Variants in ENTPD5 observed in about 807,000 individuals in gnomAD.
ENTPD5 encodes ectonucleoside triphosphate diphosphohydrolase 5 (inactive), also known as nucleoside diphosphate phosphatase ENTPD5.
Under a neutral mutation model 60.2 loss-of-function variants are expected in ENTPD5, and 49 were observed. That is an observed-to-expected ratio of 0.81 (90% CI 0.65 to 1.03). The LOEUF is 1.03. Among genes scored for constraint, ENTPD5 ranks in the 50% least tolerant of loss-of-function variants. ENTPD5 has a pLI of 0.00. For synonymous variants in ENTPD5, 187 were observed against 185.4 expected, an observed-to-expected ratio of 1.01 and a Z score of -0.07; for missense variants, 480 against 507.6, an observed-to-expected ratio of 0.95 and a Z score of 0.52.
In ENTPD5 at chr14:73,964,447, A is replaced by G. The variant is rs2140439625; in HGVS notation, c.*2481T>C. 6.6e-6 allele frequency: 1 copy of G among 152,326 alleles called. No individual in the cohort carries two copies. Among genetic ancestry groups the G allele is most frequent in the South Asian group, 2.1e-4 (1 of 4,830 alleles). 9.4% of individuals were successfully genotyped at this position (152,326 alleles called of 1,614,324 possible). On this transcript the variant is annotated 3_prime_UTR_variant, in exon 16 of 16. Transcript: ENST00000334696. ...AAGGTCTAATCAAGGTTAACAAAATAGGTAAGTTCGTGGAGTTAGAATGCA... is the reference window on the plus strand; with the variant it reads ...AAGGTCTAATCAAGGTTAACAAAATGGGTAAGTTCGTGGAGTTAGAATGCA...
intron 2 of ENTPD5, among the ~76,000 whole-genome samples, 198 bp from the exon 3 acceptor site, chr14:74,011,348 TCTCA>T (rs1276598715): frequency 3.9e-5 from 6 of 152,248 alleles, no homozygotes; most frequent in African/African-American, 1.2e-4. Flanking sequence ...TACACTTTCT[TCTCA>T]CTCAAACTAC....
chr14:74,018,586 G>C (rs1371429932), intron 1 of ENTPD5: 1 of 152,260 alleles, frequency 6.6e-6, no homozygotes, highest in Non-Finnish European at 1.5e-5. Flanking sequence ...AAGTTGAAGA[G>C]CTTCCAACTT....
intron 3 of ENTPD5, among the ~76,000 whole-genome samples, chr14:74,002,398 C>G (rs970024900): frequency 6.6e-6 from 1 of 152,052 alleles, no homozygotes; most frequent in Admixed American, 6.6e-5. Context: ...GAAAGTCTTA[C>G]AGCAGTCTGA....
At chr14:73,984,321 T>TG (rs1180233216) in intron 5 of ENTPD5, among the ~76,000 whole-genome samples, 1 of 152,196 alleles carries the variant, frequency 6.6e-6, no homozygotes, top group Non-Finnish European at 1.5e-5. Flanking sequence ...TGTTGGGACT[T>TG]GGTTTCCTCA....
At position 73,987,881 on chromosome 14, in the gene ENTPD5, C is replaced by G; in HGVS notation, c.217+5G>C. On this transcript the variant is annotated splice_donor_5th_base_variant and intron_variant, in intron 4 of 15. Coordinates refer to ENST00000334696, the MANE Select transcript of ENTPD5 (RefSeq NM_001249.5). Reference sequence around the variant, plus strand: ...GACTCTACTAAGGGTCCCAGTTGCACTTACCTGGCATTTTCTGCACAAAGG... The same window carrying G: ...GACTCTACTAAGGGTCCCAGTTGCAGTTACCTGGCATTTTCTGCACAAAGG... 6.2e-7 allele frequency: 1 copy of G among 1,614,030 alleles called. No individual in the cohort carries two copies. Among genetic ancestry groups the G allele is most frequent in the Non-Finnish European group, 8.5e-7 (1 of 1,179,988 alleles).
rs1183944649 is a variant in ENTPD5, at chr14:73,993,923, A to AC, written c.-70-5752_-70-5751insG. On this transcript the variant is annotated intron_variant, in intron 3 of 15. Transcript: ENST00000334696. ...AGGTATCTGTTTTCACGAAAAAACA[A>AC]ACAAAAAAAAACAAACAAAAAACCC... Among the ~76,000 whole-genome samples the AC allele has an allele frequency of 8.7e-5, 7 of 80,362 alleles. No homozygotes were observed. The East Asian group carries it at 3.6e-3, about 42-fold the overall frequency. The allele number at this position is 80,362 out of a possible 152,430, so 52.7% of individuals were successfully genotyped here.
At position 73,964,063 on chromosome 14, in the gene ENTPD5, T is replaced by C. The variant is rs2056873933; in HGVS notation, c.*2865A>G. ...AAGCTGTGTGACTCCTGGCGGAGACTGCAGGGACAAGGTCATCTTTCACAA... is the reference window on the plus strand; with the variant it reads ...AAGCTGTGTGACTCCTGGCGGAGACCGCAGGGACAAGGTCATCTTTCACAA... On this transcript the variant is annotated 3_prime_UTR_variant, in exon 16 of 16. Coordinates refer to ENST00000334696, the MANE Select transcript of ENTPD5 (RefSeq NM_001249.5). The C allele has an allele frequency of 6.6e-6, 1 of 152,204 alleles. No homozygotes were observed. The highest frequency in any genetic ancestry group is 1.5e-5 in the Non-Finnish European group (1 of 68,038). 9.4% of individuals were successfully genotyped at this position (152,204 alleles called of 1,614,324 possible). A position where few individuals can be genotyped will look rare whatever the true frequency, so the allele number is the denominator to read the frequency against.
chr14:73,987,682 G>C lies in ENTPD5; in HGVS notation c.217+204C>G, dbSNP rs1400261899. ...AGCAAGACCTTGTCTCAAAAAAAAAGTTAAAAAATAAAAACAAAACAAATA... is the reference window on the plus strand; with the variant it reads ...AGCAAGACCTTGTCTCAAAAAAAAACTTAAAAAATAAAAACAAAACAAATA... On this transcript the variant is annotated intron_variant, in intron 4 of 15. Coordinates refer to ENST00000334696, the MANE Select transcript of ENTPD5 (RefSeq NM_001249.5). Among the ~76,000 whole-genome samples, 4 of 151,986 alleles carry C rather than the reference G, an allele frequency of 2.6e-5. 1 individual carries two copies. The highest frequency in any genetic ancestry group is 9.6e-5 in the African/African-American group (4 of 41,494).
chr14:73,986,178 T>C (rs1416921339), intron 5 of ENTPD5: 4 of 152,198 alleles, frequency 2.6e-5, no homozygotes, highest in African/African-American at 9.6e-5. Context: ...GTAATGATTA[T>C]TCTTGTGACA....
In ENTPD5 at chr14:73,987,905, G is replaced by C. The variant is rs2057969567; in HGVS notation, c.198C>G (p.Thr66=). 5 of 1,613,976 alleles carry C rather than the reference G, an allele frequency of 3.1e-6. No individual in the cohort carries two copies. The highest frequency in any genetic ancestry group is 1.3e-5 in the African/African-American group (1 of 74,910). Residue 66 remains threonine (T), a synonymous_variant, in exon 4 of 16, where the codon ACC becomes ACG. Coordinates refer to ENST00000334696, the MANE Select transcript of ENTPD5 (RefSeq NM_001249.5). ...GSTGTRIHVY[T]FVQKMPGQLP... ...ACTTACCTGGCATTTTCTGCACAAA[G>C]GTGTAAACATGAATTCGAGTTCCAG...
At chr14:74,001,617 G>A (rs1482824361) in intron 3 of ENTPD5, among the ~76,000 whole-genome samples, 3 of 133,964 alleles carry the variant, frequency 2.2e-5, no homozygotes, top group South Asian at 2.5e-4. Flanking sequence ...GCAGTGAGCC[G>A]AGATCATGCC....
rs200203331 is a variant in ENTPD5 at position 74,008,510 on chromosome 14, CA to C, written c.-71+2580del. Among the ~76,000 whole-genome samples the C allele has an allele frequency of 9.2e-3, 1,401 of 152,012 alleles. 24 individuals are homozygous for C. The highest frequency in any genetic ancestry group is 0.032 in the African/African-American group (1,342 of 41,450). ...GGTTCACGCCACCATTCTCCTGCCT[CA>C]GCCTCCCAAGTAGCTAGGACGATGG... On this transcript the variant is annotated intron_variant, in intron 3 of 15. Coordinates refer to ENST00000334696, the MANE Select transcript of ENTPD5 (RefSeq NM_001249.5).
chr14:73,957,816 C>T (rs571031640), downstream of ENTPD5, among the ~76,000 whole-genome samples: 46 of 152,266 alleles, frequency 3.0e-4, no homozygotes, highest in South Asian at 1.5e-3. Flanking sequence ...TTGTTTCAGC[C>T]TATGGTATTC....
intron 3 of ENTPD5, among the ~76,000 whole-genome samples, chr14:74,000,139 A>T (rs2058463975): frequency 6.6e-6 from 1 of 151,212 alleles, no homozygotes; most frequent in South Asian, 2.1e-4. Context: ...CTAACTCCCT[A>T]GAGGATTTGG....
In ENTPD5 at chr14:73,966,663, C is replaced by T. The variant is rs547890306; in HGVS notation, c.*265G>A. On this transcript the variant is annotated 3_prime_UTR_variant, in exon 16 of 16. Coordinates refer to ENST00000334696, the MANE Select transcript of ENTPD5 (RefSeq NM_001249.5). Reference sequence around the variant, plus strand: ...TTGAAATGCGATTTTTCTTTGGTTTCCAGGGACCTGTCCCTGGGCTCTCAC... The same window carrying T: ...TTGAAATGCGATTTTTCTTTGGTTTTCAGGGACCTGTCCCTGGGCTCTCAC... 2 of 362,410 alleles carry T rather than the reference C, an allele frequency of 5.5e-6. No homozygotes were observed. Among genetic ancestry groups the T allele is most frequent in the East Asian group, 9.3e-5 (2 of 21,452 alleles). 22.4% of individuals were successfully genotyped at this position (362,410 alleles called of 1,614,324 possible). A position where few individuals can be genotyped will look rare whatever the true frequency, so the allele number is the denominator to read the frequency against.
chr14:73,986,793 A>T (rs1454359904), intron 5 of ENTPD5, 21 bp downstream of exon 5: 2 of 1,588,440 alleles, frequency 1.3e-6, no homozygotes, highest in Non-Finnish European at 1.7e-6. Context: ...GAATCTAAAC[A>T]TCAAATCATA....
chr14:74,010,043 G>C (rs982267337), intron 3 of ENTPD5, among the ~76,000 whole-genome samples: 16 of 152,134 alleles, frequency 1.1e-4, no homozygotes, highest in Non-Finnish European at 1.5e-4. Context: ...GCCTGCCTCG[G>C]CCTCTCAAAG....
intron 1 of ENTPD5, among the ~76,000 whole-genome samples, chr14:74,017,792 G>A (rs1327554299): frequency 1.3e-5 from 2 of 150,782 alleles, no homozygotes; most frequent in South Asian, 2.1e-4. Context: ...GCTGAGGCAG[G>A]AGAATTGCTT....
chr14:73,967,147 T>C (rs1594833405), intron 15 of ENTPD5, 133 bp from the exon 16 acceptor site: 1 of 687,456 alleles, frequency 1.5e-6, no homozygotes, highest in African/African-American at 1.8e-5. Flanking sequence ...AAGCCAGTCT[T>C]TGCAGGCTTC....
Sources: allele counts gnomAD v4.1 joint callset (sites outside exome capture counted in the v4.1 genomes callset), GRCh38; gene constraint gnomAD v4.1.1; transcripts MANE v1.5; gene names NCBI Gene and HGNC (gene_info 2026-07-23, HGNC 2026-07-21).